LIN7A: variants seen among roughly 807,000 people sequenced by gnomAD.
LIN7A encodes the protein lin-7 cell polarity scaffold A.
Under a neutral mutation model 29.8 loss-of-function variants are expected in LIN7A, and 25 were observed. The observed-to-expected ratio is 0.84, with a 90% CI of 0.61 to 1.17. The LOEUF (loss-of-function observed/expected upper bound fraction) is 1.17, where lower values mean the gene tolerates loss of function less well. Among genes scored for constraint, LIN7A ranks in the 50% most tolerant of loss-of-function variants. The pLI is 0.00. For missense variants in LIN7A, 239 were observed against 287.0 expected (o/e 0.83, Z 1.21); for synonymous variants, 118 against 107.5 (o/e 1.10, Z -0.60).
chr12:80,859,275 G>A (rs1393022366), intron 2 of LIN7A, among the ~76,000 whole-genome samples: 3 of 152,104 alleles, frequency 2.0e-5, no homozygotes, highest in African/African-American at 7.2e-5. Flanking sequence ...TTTGATGATT[G>A]TAGGCTCAGG....
At chr12:80,931,406 T>C (rs1346011382) in intron 1 of LIN7A, among the ~76,000 whole-genome samples, 1 of 152,156 alleles carries the variant, frequency 6.6e-6, no homozygotes, top group African/African-American at 2.4e-5. Flanking sequence ...TTTGGGAGGC[T>C]GAGGCACGCG....
In LIN7A at chr12:80,800,343, G is replaced by C. The variant is rs573860909; in HGVS notation, c.*1-2617C>G. 2.0e-5 allele frequency among the ~76,000 whole-genome samples: 3 copies of C among 152,006 alleles called. No individual in the cohort carries two copies. The East Asian group carries it at 5.8e-4, about 29-fold the overall frequency. ...GGTCTCTACTAAAAATACAAAATTA[G>C]CTGGGTGTGGTGGCGCATGCCTCTA... On this transcript the variant is annotated intron_variant, in intron 5 of 5. Coordinates refer to ENST00000552864, the MANE Select transcript of LIN7A (RefSeq NM_004664.4).
chr12:80,799,057 A>C (rs1283348344), intron 5 of LIN7A, among the ~76,000 whole-genome samples: 1 of 152,114 alleles, frequency 6.6e-6, no homozygotes, highest in Non-Finnish European at 1.5e-5. Flanking sequence ...TAATGAATTA[A>C]ATGATAATAT....
At chr12:80,918,782 G>C (rs11614487) in intron 1 of LIN7A, among the ~76,000 whole-genome samples, 10,202 of 152,220 alleles carry the variant, frequency 0.067, 364 homozygotes, top group Middle Eastern at 0.088. Context: ...ATATGAGCAA[G>C]AACAGAAAAA....
chr12:80,899,021 G>A lies in LIN7A; in HGVS notation c.83-9652C>T, dbSNP rs917485701. ...GCTCGGGCTAATCCAGTACTATGTC[G>A]AGTAGGAGTGGTGATAAGGCATCCT... On this transcript the variant is annotated intron_variant, in intron 1 of 5. Transcript: ENST00000552864. Among the ~76,000 whole-genome samples, 9 of 152,116 alleles carry A rather than the reference G, an allele frequency of 5.9e-5. No individual in the cohort carries two copies. The East Asian group carries it at 1.7e-3, about 29-fold the overall frequency.
At chr12:80,860,280 G>C (rs1278356941) in intron 2 of LIN7A, among the ~76,000 whole-genome samples, 2 of 152,168 alleles carry the variant, frequency 1.3e-5, no homozygotes, top group African/African-American at 4.8e-5. Context: ...ACTGCAAGAA[G>C]TTTAGAATCA....
chr12:80,901,520 C>T (rs181361821), intron 1 of LIN7A, among the ~76,000 whole-genome samples: 19 of 133,838 alleles, frequency 1.4e-4, no homozygotes, highest in South Asian at 2.5e-4. Context: ...TCCATCTGTG[C>T]GCATTGTAAA....
At chr12:80,830,135 GTC>G (rs1169337792) in intron 4 of LIN7A, among the ~76,000 whole-genome samples, 1 of 152,100 alleles carries the variant, frequency 6.6e-6, no homozygotes, top group Non-Finnish European at 1.5e-5. Flanking sequence ...TCCTTGTGAT[GTC>G]TCTTTCACCT....
At chr12:80,871,516 CT>C (rs1031289109) in intron 2 of LIN7A, among the ~76,000 whole-genome samples, 7 of 150,930 alleles carry the variant, frequency 4.6e-5, no homozygotes, top group Non-Finnish European at 7.4e-5. Flanking sequence ...ACTCATCTTA[CT>C]TTTTTTTTAG....
chr12:80,936,046 T>C (rs932222586), intron 1 of LIN7A, among the ~76,000 whole-genome samples: 3 of 152,198 alleles, frequency 2.0e-5, no homozygotes, highest in African/African-American at 7.2e-5. Context: ...GATTTTGTAA[T>C]GGGACAATAT....
At chr12:80,893,216 G>A (rs1875716473) in intron 1 of LIN7A, among the ~76,000 whole-genome samples, 1 of 152,094 alleles carries the variant, frequency 6.6e-6, no homozygotes, top group African/African-American at 2.4e-5. Flanking sequence ...GATTCTTTGA[G>A]GAGTTTCAGA....
chr12:80,805,111 G>T (rs1372041127), intron 5 of LIN7A, among the ~76,000 whole-genome samples: 2 of 152,192 alleles, frequency 1.3e-5, no homozygotes, highest in Admixed American at 1.3e-4. Flanking sequence ...CTATTGTAAA[G>T]ATTAAGTAAT....
At chr12:80,870,001 C>T (rs577052001) in intron 2 of LIN7A, among the ~76,000 whole-genome samples, 3 of 151,964 alleles carry the variant, frequency 2.0e-5, no homozygotes, top group Non-Finnish European at 2.9e-5. Context: ...CCATGACATA[C>T]GAGGAAAGTT....
rs533172741 is a variant in LIN7A, at chr12:80,873,856, CT to C, written c.201+15394del. Reference sequence around the variant, plus strand: ...CTTGTTTATCTGATTTTTATGTTTGCTTTTTTTTTTTTTTCACAGTCCCTGA... The same window carrying C: ...CTTGTTTATCTGATTTTTATGTTTGCTTTTTTTTTTTTTCACAGTCCCTGA... On this transcript the variant is annotated intron_variant, in intron 2 of 5. Transcript: ENST00000552864. Among the ~76,000 whole-genome samples the C allele has an allele frequency of 3.4e-3, 444 of 129,294 alleles. 2 individuals are homozygous for C. Among genetic ancestry groups the C allele is most frequent in the African/African-American group, 6.4e-3 (224 of 35,202 alleles). The allele number at this position is 129,294 out of a possible 152,430, so 84.8% of individuals were successfully genotyped here.
chr12:80,830,313 T>C (rs1025987735), intron 4 of LIN7A, among the ~76,000 whole-genome samples: 2 of 152,226 alleles, frequency 1.3e-5, no homozygotes, highest in African/African-American at 2.4e-5. Context: ...TAGCTTCTTA[T>C]ATTATCATCT....
At chr12:80,845,634 T>A in intron 4 of LIN7A, 96 bp downstream of exon 4, 1 of 940,022 alleles carries the variant, frequency 1.1e-6, no homozygotes, top group Non-Finnish European at 1.6e-6. Flanking sequence ...AAATGAATAT[T>A]TATTCTAGGT....
At chr12:80,918,498 T>A (rs1877133093) in intron 1 of LIN7A, among the ~76,000 whole-genome samples, 1 of 152,106 alleles carries the variant, frequency 6.6e-6, no homozygotes. Context: ...TAGGGCTGTC[T>A]GGGACCCCTT....
chr12:80,804,031 T>A (rs1040996769), intron 5 of LIN7A, among the ~76,000 whole-genome samples: 10 of 152,184 alleles, frequency 6.6e-5, no homozygotes, highest in African/African-American at 2.4e-4. Context: ...TAGGTACATT[T>A]AAAAAACTCC....
intron 4 of LIN7A, among the ~76,000 whole-genome samples, chr12:80,823,988 A>G (rs898252636): frequency 2.0e-5 from 3 of 152,182 alleles, no homozygotes; most frequent in African/African-American, 7.2e-5. Context: ...GAACAATCCA[A>G]ACCCAAACCC....
Sources: gnomAD v4.1 joint callset for allele counts (sites outside exome capture counted in the v4.1 genomes callset) on GRCh38, gnomAD v4.1.1 for gene constraint, MANE v1.5 for transcripts, NCBI Gene and HGNC (gene_info 2026-07-23, HGNC 2026-07-21) for gene names.